PMFBP1: variants seen among roughly 807,000 people sequenced by gnomAD.
PMFBP1 encodes the protein polyamine-modulated factor 1-binding protein 1.
PMFBP1 carries 131 observed loss-of-function variants against 137.8 expected under a neutral mutation model. The observed-to-expected ratio is 0.95, with a 90% confidence interval of 0.82 to 1.10. PMFBP1 has a LOEUF of 1.10. PMFBP1 is among the 50% of genes least tolerant of loss of function. PMFBP1 has a pLI of 0.00. For missense variants in PMFBP1, 1,199 were observed against 1,175.4 expected, an observed-to-expected ratio of 1.02 and a Z score of -0.29; for synonymous variants, 490 against 450.4, an observed-to-expected ratio of 1.09 and a Z score of -1.11.
chr16:72,148,484 C>T (rs961841609), intron 5 of PMFBP1, among the ~76,000 whole-genome samples: 3 of 151,766 alleles, frequency 2.0e-5, no homozygotes, highest in Non-Finnish European at 2.9e-5. Context: ...CAAACCTGCA[C>T]GTTGTGCACA....
chr16:72,216,224 A>G, the PMFBP1 span, among the ~76,000 whole-genome samples: 1 of 152,188 alleles, frequency 6.6e-6, no homozygotes, highest in African/African-American at 2.4e-5. Flanking sequence ...TCCCAGAATC[A>G]TTACTTAGAG....
At chr16:72,229,810 A>C in the PMFBP1 span, among the ~76,000 whole-genome samples, 3 of 152,158 alleles carry the variant, frequency 2.0e-5, no homozygotes, top group South Asian at 2.1e-4. Flanking sequence ...GCAGCTGAAG[A>C]AGCCAATATT....
At chr16:72,132,388 G>A (rs1157615117) in intron 10 of PMFBP1, among the ~76,000 whole-genome samples, 1 of 152,178 alleles carries the variant, frequency 6.6e-6, no homozygotes, top group Non-Finnish European at 1.5e-5. Context: ...GGAATAAAAA[G>A]CCAGGGAAGG....
chr16:72,236,655 AAAAAC>A, the PMFBP1 span, among the ~76,000 whole-genome samples: 1 of 152,088 alleles, frequency 6.6e-6, no homozygotes, highest in Admixed American at 6.6e-5. Flanking sequence ...ACTTTGGGGG[AAAAAC>A]AAAACAAAAC....
chr16:72,205,126 C>G, the PMFBP1 span, among the ~76,000 whole-genome samples: 1 of 152,192 alleles, frequency 6.6e-6, no homozygotes. Context: ...GGGCCAGGAC[C>G]AGGGCCTTAC....
chr16:72,127,521 G>A (rs1026069316), intron 14 of PMFBP1, among the ~76,000 whole-genome samples: 10 of 152,024 alleles, frequency 6.6e-5, no homozygotes, highest in Non-Finnish European at 1.3e-4. Flanking sequence ...CTAAAACTGA[G>A]GATGGTGAAA....
rs2042453235 is a variant in PMFBP1 at position 72,126,103 on chromosome 16, GCTCATTAAGGA to G, written c.2107_2117del (p.Ser703ProfsTer26). The G allele has an allele frequency of 6.2e-7, 1 of 1,614,050 alleles. No individual in the cohort carries two copies. ...GAGCTTTGTCCAGCTGGGCCTGCAG[GCTCATTAAGGA>G]CTCCTTCTGAAGGGCTATCTTTAAG... On this transcript the variant is annotated frameshift_variant, in exon 15 of 21. Transcript: ENST00000237353. LOFTEE classifies it high-confidence loss of function.
At chr16:72,195,179 G>A in the PMFBP1 span, among the ~76,000 whole-genome samples, 1 of 152,126 alleles carries the variant, frequency 6.6e-6, no homozygotes, top group Non-Finnish European at 1.5e-5. Flanking sequence ...TGCAGCGATG[G>A]CACCAGGGCC....
chr16:72,161,426 A>G, intron 3 of PMFBP1, among the ~76,000 whole-genome samples: 1 of 152,104 alleles, frequency 6.6e-6, no homozygotes. Context: ...GTCTTCTACA[A>G]ATTGCATGTC....
chr16:72,163,308 T>G (rs987022920), intron 3 of PMFBP1, among the ~76,000 whole-genome samples: 1 of 152,226 alleles, frequency 6.6e-6, no homozygotes, highest in Non-Finnish European at 1.5e-5. Context: ...CTCCCCAGCT[T>G]ATGTGGAAAA....
Position 72,122,990 on chromosome 16 carries a change from T to A in PMFBP1, c.2694-2A>T. 1 of 1,612,148 alleles carries A rather than the reference T, an allele frequency of 6.2e-7. No individual in the cohort carries two copies. Among genetic ancestry groups the A allele is most frequent in the South Asian group, 1.1e-5 (1 of 91,026 alleles). On this transcript the variant is annotated splice_acceptor_variant, in intron 18 of 20. Transcript: ENST00000237353. LOFTEE classifies it high-confidence loss of function. ...TTTCCTAGTTTCTCATTGGCGACCC[T>A]GTAATAAAATCACAGGAGAAAACAG...
intron 6 of PMFBP1, 85 bp from the exon 7 acceptor site, chr16:72,139,484 T>C (rs774634721): frequency 7.5e-6 from 8 of 1,070,822 alleles, no homozygotes; most frequent in Non-Finnish European, 1.1e-5. Context: ...TGTTCCTTTC[T>C]GCAGCATAAG....
At chr16:72,240,516 C>T in the PMFBP1 span, among the ~76,000 whole-genome samples, 1 of 152,232 alleles carries the variant, frequency 6.6e-6, no homozygotes, top group Non-Finnish European at 1.5e-5. Context: ...TCCTTAATTT[C>T]ATACCATATT....
chr16:72,143,960 G>C (rs2042763396), intron 5 of PMFBP1, among the ~76,000 whole-genome samples: 1 of 152,100 alleles, frequency 6.6e-6, no homozygotes, highest in East Asian at 1.9e-4. Flanking sequence ...AGAATCGCTT[G>C]AACCTGGGAG....
intron 10 of PMFBP1, among the ~76,000 whole-genome samples, chr16:72,132,364 C>A (rs1014618555): frequency 3.3e-5 from 5 of 151,906 alleles, no homozygotes; most frequent in Admixed American, 6.6e-5. Flanking sequence ...TATTTGGGGG[C>A]AAAAAGGCGA....
the PMFBP1 span, among the ~76,000 whole-genome samples, chr16:72,200,648 A>G: frequency 6.6e-6 from 1 of 152,256 alleles, no homozygotes; most frequent in Non-Finnish European, 1.5e-5. Context: ...TATTATGCTA[A>G]TATCTGCAAT....
At chr16:72,231,409 T>C in the PMFBP1 span, among the ~76,000 whole-genome samples, 1 of 152,154 alleles carries the variant, frequency 6.6e-6, no homozygotes, top group Admixed American at 6.6e-5. Flanking sequence ...CTCAAACCTT[T>C]GACACATCCA....
intron 5 of PMFBP1, among the ~76,000 whole-genome samples, chr16:72,145,032 T>G (rs957059218): frequency 3.3e-5 from 5 of 152,206 alleles, no homozygotes; most frequent in Admixed American, 2.6e-4. Flanking sequence ...CAAGCGGACC[T>G]AATAGACATC....
the PMFBP1 span, among the ~76,000 whole-genome samples, chr16:72,223,319 T>C: frequency 2.0e-5 from 3 of 152,316 alleles, no homozygotes; most frequent in East Asian, 1.9e-4. Context: ...AGTGAGTGGA[T>C]TGCATTTTAT....
Sources: allele counts gnomAD v4.1 joint callset (sites outside exome capture counted in the v4.1 genomes callset), GRCh38; gene constraint gnomAD v4.1.1; transcripts MANE v1.5; gene names NCBI Gene and HGNC (gene_info 2026-07-23, HGNC 2026-07-21).